RALGAPA2: variants seen among roughly 807,000 people sequenced by gnomAD.
The protein encoded by RALGAPA2 is Ral GTPase activating protein catalytic subunit alpha 2.
Under a neutral mutation model 230.4 loss-of-function variants are expected in RALGAPA2, and 139 were observed. The ratio of observed to expected loss-of-function variants is 0.60; its 90% CI spans 0.53 to 0.69. The LOEUF is 0.69. Ranked by LOEUF, RALGAPA2 falls within the 30% of genes least tolerant of loss-of-function variation. The pLI is 0.00. For missense variants in RALGAPA2, 2,163 were observed against 2,276.0 expected, an observed-to-expected ratio of 0.95 and a Z score of 1.01; for synonymous variants, 847 against 837.8, an observed-to-expected ratio of 1.01 and a Z score of -0.19.
intron 34 of RALGAPA2, 33 bp downstream of exon 34, chr20:20,505,378 G>A: frequency 6.4e-7 from 1 of 1,570,850 alleles, no homozygotes; most frequent in African/African-American, 1.4e-5. Flanking sequence ...AACAGTGCTG[G>A]TCAATAAACA....
At chr20:20,658,056 G>A (rs2067650188) in intron 3 of RALGAPA2, among the ~76,000 whole-genome samples, 1 of 152,162 alleles carries the variant, frequency 6.6e-6, no homozygotes, top group South Asian at 2.1e-4. Context: ...TGCCACAAAA[G>A]TAATTTCCAG....
At chr20:20,429,608 T>G (rs1452056574) in intron 37 of RALGAPA2, among the ~76,000 whole-genome samples, 1 of 152,230 alleles carries the variant, frequency 6.6e-6, no homozygotes, top group Non-Finnish European at 1.5e-5. Flanking sequence ...CTGCAATTAT[T>G]TCCAGTGATA....
chr20:20,676,260 C>T lies in RALGAPA2; in HGVS notation c.246G>A (p.Leu82=). 1 of 1,565,918 alleles carries T rather than the reference C, an allele frequency of 6.4e-7. No homozygotes were observed. Among genetic ancestry groups the T allele is most frequent in the African/African-American group, 1.4e-5 (1 of 73,826 alleles). Residue 82 remains leucine (L), a synonymous_variant, in exon 3 of 40, where the codon CTG becomes CTA. Coordinates refer to ENST00000202677, the MANE Select transcript of RALGAPA2 (RefSeq NM_020343.4). ...CTTCAAAAAGGAAGAGGATGGAGTC[C>T]AGCTCCTCCCTTTGTGACTTATTAT... ...KGNNKSQREE[L]DSILFLFEKI...
In RALGAPA2 at chr20:20,571,621, G is replaced by C. The variant is rs755344522; in HGVS notation, c.3001-8C>G. 6.8e-6 allele frequency: 11 copies of C among 1,606,182 alleles called. No homozygotes were observed. Among genetic ancestry groups the C allele is most frequent in the Non-Finnish European group, 9.4e-6 (11 of 1,176,256 alleles). On this transcript the variant is annotated splice_polypyrimidine_tract_variant and splice_region_variant and intron_variant, in intron 22 of 39. Transcript: ENST00000202677. The stretch of plus-strand genomic sequence containing the variant: ...ATTTGGCAGTGTCGCCGCCTGTCAA[G>C]GAGATGATGTTTCCAGATTAAATCA...
At chr20:20,465,470 T>C (rs1423299567) in intron 37 of RALGAPA2, among the ~76,000 whole-genome samples, 1 of 152,054 alleles carries the variant, frequency 6.6e-6, no homozygotes, top group Non-Finnish European at 1.5e-5. Flanking sequence ...CTCCCTATGA[T>C]GGTTGGTAGT....
chr20:20,640,300 G>A (rs1320662311), intron 6 of RALGAPA2, among the ~76,000 whole-genome samples: 1 of 152,156 alleles, frequency 6.6e-6, no homozygotes, highest in Non-Finnish European at 1.5e-5. Context: ...AAAATACAGT[G>A]GCAAAATAAG....
At chr20:20,558,641 G>A (rs186865346) in intron 23 of RALGAPA2, among the ~76,000 whole-genome samples, 252 of 151,996 alleles carry the variant, frequency 1.7e-3, no homozygotes, top group Non-Finnish European at 2.7e-3. Flanking sequence ...GGCTGGGGGC[G>A]GTGAGGGGAA....
chr20:20,692,020 G>A (rs758208701), intron 1 of RALGAPA2, among the ~76,000 whole-genome samples: 35 of 151,984 alleles, frequency 2.3e-4, no homozygotes, highest in South Asian at 2.1e-4. Context: ...ATCATGTGAC[G>A]CCCACTCCCC....
chr20:20,539,831 T>C (rs751084257), intron 24 of RALGAPA2, among the ~76,000 whole-genome samples: 4 of 152,226 alleles, frequency 2.6e-5, no homozygotes, highest in Non-Finnish European at 5.9e-5. Flanking sequence ...AGTTGGACTT[T>C]TTTAGATTCC....
At position 20,535,747 on chromosome 20, in the gene RALGAPA2, T is replaced by C. The variant is rs1458455892; in HGVS notation, c.3471A>G (p.Ala1157=). 5.2e-6 allele frequency: 8 copies of C among 1,548,442 alleles called. No homozygotes were observed. Among genetic ancestry groups the C allele is most frequent in the Non-Finnish European group, 7.0e-6 (8 of 1,145,598 alleles). The change falls in exon 26 of 40, where the codon GCA becomes GCG. Residue 1157 remains alanine (A), a splice_region_variant and synonymous_variant. Coordinates refer to ENST00000202677, the MANE Select transcript of RALGAPA2 (RefSeq NM_020343.4). ...KNATEEPNEY[A]RCIAVCSLGV... ...TTTACCTCTTATTCAACATTTACCT[T>C]GCATATTCATTTGGTTCTTCTGTGG...
chr20:20,475,996 C>T (rs995004641), intron 36 of RALGAPA2, among the ~76,000 whole-genome samples: 2 of 152,004 alleles, frequency 1.3e-5, no homozygotes, highest in Admixed American at 6.6e-5. Flanking sequence ...ATAACTGCAT[C>T]AAAACAGAAT....
At chr20:20,600,456 AG>A (rs1419305835) in intron 16 of RALGAPA2, among the ~76,000 whole-genome samples, 3 of 152,370 alleles carry the variant, frequency 2.0e-5, no homozygotes, top group Non-Finnish European at 4.4e-5. Flanking sequence ...AGAAAGAAGC[AG>A]AATAGGCTGT....
chr20:20,545,620 C>T (rs767709117), intron 24 of RALGAPA2, among the ~76,000 whole-genome samples: 21 of 152,170 alleles, frequency 1.4e-4, no homozygotes, highest in Non-Finnish European at 8.8e-5. Context: ...ACACTGATTT[C>T]GACACCAATG....
At chr20:20,513,807 C>T (rs2062790557) in intron 31 of RALGAPA2, among the ~76,000 whole-genome samples, 1 of 152,202 alleles carries the variant, frequency 6.6e-6, no homozygotes, top group African/African-American at 2.4e-5. Flanking sequence ...GCAGGGACTT[C>T]CACAGCCAGA....
chr20:20,534,905 C>T (rs961065320), intron 26 of RALGAPA2, among the ~76,000 whole-genome samples: 8 of 152,136 alleles, frequency 5.3e-5, no homozygotes, highest in South Asian at 2.1e-4. Context: ...TATCCAAAAA[C>T]GCAATGTTAG....
chr20:20,712,283 C>T lies in RALGAPA2; in HGVS notation c.106+92G>A. ...ACGCCCACCCATCCCCCTCCCCAGC[C>T]TCCCAGCCACCGACCCCTGCACAGA... On this transcript the variant is annotated intron_variant, in intron 1 of 39. Coordinates refer to ENST00000202677, the MANE Select transcript of RALGAPA2 (RefSeq NM_020343.4). The surrounding 1 kb of genome is among the most constrained non-coding windows in gnomAD (Gnocchi z 5.5). The T allele has an allele frequency of 8.3e-7, 1 of 1,210,682 alleles. No individual in the cohort carries two copies. 75.0% of individuals were successfully genotyped at this position (1,210,682 alleles called of 1,614,324 possible).
Position 20,512,735 on chromosome 20 carries a change from G to T in RALGAPA2, c.4634C>A (p.Pro1545His), listed in dbSNP as rs745354515. Residue 1545 changes from proline to histidine, a missense_variant, in exon 32 of 40, where the codon CCT becomes CAT. By Grantham distance (77) the Pro-to-His change is moderately conservative. Coordinates refer to ENST00000202677, the MANE Select transcript of RALGAPA2 (RefSeq NM_020343.4). ...GTTCATGCCACATGGGGTTAGGGAAGGTTCATTTAGATTTAGCTGTGACGG... is the reference window on the plus strand; with the variant it reads ...GTTCATGCCACATGGGGTTAGGGAATGTTCATTTAGATTTAGCTGTGACGG... Reference protein sequence around the residue: ...LLPSQLNLNEPSLTPCGMNYD... With the variant: ...LLPSQLNLNEHSLTPCGMNYD... 28 of 1,613,734 alleles carry T rather than the reference G, an allele frequency of 1.7e-5. No homozygotes were observed. In the Admixed American group the frequency reaches 4.3e-4, roughly 25 times the overall value.
chr20:20,616,242 G>C, intron 12 of RALGAPA2, 51 bp from the exon 13 acceptor site: 1 of 1,304,900 alleles, frequency 7.7e-7, no homozygotes, highest in Non-Finnish European at 1.0e-6. Context: ...ATAAACATTT[G>C]AATAAATTTT....
chr20:20,432,954 G>A (rs558991307), intron 37 of RALGAPA2, among the ~76,000 whole-genome samples: 1 of 152,176 alleles, frequency 6.6e-6, no homozygotes, highest in Non-Finnish European at 1.5e-5. Context: ...CTGTCTGGAG[G>A]TGCACATCTG....
Sources: allele counts gnomAD v4.1 joint callset (sites outside exome capture counted in the v4.1 genomes callset), GRCh38; gene constraint gnomAD v4.1.1; non-coding constraint Gnocchi (gnomAD v3.1); transcripts MANE v1.5; gene names NCBI Gene and HGNC (gene_info 2026-07-23, HGNC 2026-07-21).